Variants in COL11A1 observed in about 807,000 individuals in gnomAD.
COL11A1 encodes collagen type XI alpha 1 chain.
Under a neutral mutation model 265.2 loss-of-function variants are expected in COL11A1, and 74 were observed. The observed-to-expected ratio is 0.28, with a 90% CI of 0.23 to 0.34. The LOEUF (loss-of-function observed/expected upper bound fraction) is 0.34. Ranked by LOEUF, COL11A1 falls within the 10% of genes least tolerant of loss-of-function variation. The pLI, the probability that COL11A1 is intolerant of heterozygous loss-of-function variation, is 1.00. For synonymous variants in COL11A1, 816 were observed against 727.6 expected (o/e 1.12, Z -1.96); for missense variants, 2,165 against 2,263.6 (o/e 0.96, Z 0.88).
rs1373470257 is a variant in COL11A1 at position 103,096,462 on chromosome 1, C to A, written c.106+11611G>T. Among the ~76,000 whole-genome samples the A allele has an allele frequency of 2.6e-5, 4 of 151,912 alleles. No individual in the cohort carries two copies. In the South Asian group the frequency reaches 8.3e-4, roughly 31 times the overall value. On this transcript the variant is annotated intron_variant, in intron 1 of 66. Coordinates refer to ENST00000370096, the MANE Select transcript of COL11A1 (RefSeq NM_001854.4). ...GAGATGGAGAAGGCTGTGAGAAGAA[C>A]AGGTTTCAGGAGAGGAGTTCTGCAA...
intron 41 of COL11A1, among the ~76,000 whole-genome samples, chr1:102,954,538 C>T (rs1660179405): frequency 6.6e-6 from 1 of 152,152 alleles, no homozygotes; most frequent in Non-Finnish European, 1.5e-5. Context: ...CACGTCTGCT[C>T]TGTCTTTTTA....
rs1676500 is a variant in COL11A1 at position 102,899,209 on chromosome 1, A to T, written c.4087-215T>A. Among the ~76,000 whole-genome samples the T allele has an allele frequency of 0.088, 13,363 of 152,172 alleles. 703 individuals are homozygous for T. The highest frequency in any genetic ancestry group is 0.16 in the Middle Eastern group (48 of 292). On this transcript the variant is annotated intron_variant, in intron 54 of 66. Coordinates refer to ENST00000370096, the MANE Select transcript of COL11A1 (RefSeq NM_001854.4). ...GAAAAACAGCACAAATTAAGTATAC[A>T]ACAATCACTTCACATCAATATAAGA...
chr1:102,937,955 C>T lies in COL11A1; in HGVS notation c.3438+1080G>A, dbSNP rs553363199. On this transcript the variant is annotated intron_variant, in intron 44 of 66. Coordinates refer to ENST00000370096, the MANE Select transcript of COL11A1 (RefSeq NM_001854.4). The stretch of plus-strand genomic sequence containing the variant: ...TACACAATTTCTTGTCATAATTTTA[C>T]AGCATGGATCTGGAGTATCAGTGCT... Among the ~76,000 whole-genome samples, 8 of 152,330 alleles carry T rather than the reference C, an allele frequency of 5.3e-5. 1 individual carries two copies. In the South Asian group the frequency reaches 1.7e-3, roughly 32 times the overall value.
At chr1:102,880,789 T>G (rs1650138765) in intron 65 of COL11A1, among the ~76,000 whole-genome samples, 1 of 152,070 alleles carries the variant, frequency 6.6e-6, no homozygotes, top group Admixed American at 6.5e-5. Context: ...TACTTAGTTC[T>G]TACTGAATAG....
At chr1:102,948,010 G>A (rs1372349830) in intron 41 of COL11A1, among the ~76,000 whole-genome samples, 1 of 151,608 alleles carries the variant, frequency 6.6e-6, no homozygotes, top group East Asian at 1.9e-4. Context: ...TCAAAACTCA[G>A]AGAAAATTAT....
At chr1:102,901,246 G>C (rs1653158402) in intron 54 of COL11A1, among the ~76,000 whole-genome samples, 1 of 151,818 alleles carries the variant, frequency 6.6e-6, no homozygotes, top group Non-Finnish European at 1.5e-5. Context: ...CTTGAACCCG[G>C]GAGGCAGAAC....
At chr1:103,077,114 C>T (rs12142411) in intron 3 of COL11A1, among the ~76,000 whole-genome samples, 23,121 of 152,030 alleles carry the variant, frequency 0.15, 1,888 homozygotes, top group Non-Finnish European at 0.16. Flanking sequence ...TAGGTATTAA[C>T]TGTATTCAAC....
intron 49 of COL11A1, among the ~76,000 whole-genome samples, chr1:102,919,444 A>C (rs1296318577): frequency 6.6e-6 from 1 of 151,916 alleles, no homozygotes; most frequent in Non-Finnish European, 1.5e-5. Context: ...GAGACCAAGA[A>C]AGGAAATCAT....
chr1:102,938,407 T>C (rs1485824078), intron 44 of COL11A1, among the ~76,000 whole-genome samples: 1 of 151,806 alleles, frequency 6.6e-6, no homozygotes, highest in East Asian at 1.9e-4. Flanking sequence ...AAAAAGAACT[T>C]AGAAAATAAT....
At position 102,934,463 on chromosome 1, in the gene COL11A1, G is replaced by A; in HGVS notation, c.3586C>T (p.Pro1196Ser). Residue 1196 changes from proline to serine, a missense_variant, in exon 46 of 67, where the codon CCA (proline) becomes TCA (serine). Transcript: ENST00000370096. ...GARGFPGPPGPIGLQGLPGPP... is the reference protein window; with the variant it reads ...GARGFPGPPGSIGLQGLPGPP... ...GATCATCTTACCTGAAGACCTATTG[G>A]ACCAGGAGGTCCAGGGAAGCCTCTG... The A allele has an allele frequency of 4.3e-6, 7 of 1,612,760 alleles. No homozygotes were observed. Among genetic ancestry groups the A allele is most frequent in the Non-Finnish European group, 5.9e-6 (7 of 1,178,750 alleles).
chr1:103,004,764 G>A (rs929847629), intron 18 of COL11A1, 103 bp from the exon 19 acceptor site: 1 of 999,138 alleles, frequency 1.0e-6, no homozygotes. Context: ...CATTTGGCAG[G>A]GAAAATATAT....
chr1:102,929,096 T>A (rs1199492501), intron 46 of COL11A1, among the ~76,000 whole-genome samples: 10 of 146,496 alleles, frequency 6.8e-5, no homozygotes, highest in Non-Finnish European at 1.2e-4. Flanking sequence ...TTTAGTTTAA[T>A]TAGATCCCAT....
chr1:102,909,299 C>T (rs556560710), intron 54 of COL11A1, among the ~76,000 whole-genome samples: 3 of 152,240 alleles, frequency 2.0e-5, no homozygotes, highest in Non-Finnish European at 4.4e-5. Context: ...TCTGCTTCTC[C>T]TTCCAGCATG....
chr1:102,884,522 A>G (rs994929699), intron 63 of COL11A1: 6 of 152,212 alleles, frequency 3.9e-5, no homozygotes, highest in Non-Finnish European at 2.9e-5. Context: ...GAGGTGGGCT[A>G]CTGGGCTCAA....
intron 47 of COL11A1, among the ~76,000 whole-genome samples, chr1:102,923,059 G>C (rs1656174853): frequency 6.6e-6 from 1 of 152,098 alleles, no homozygotes. Context: ...TTCTAATTAA[G>C]ACAGAATTAT....
At chr1:102,972,216 G>C (rs976350480) in intron 36 of COL11A1, among the ~76,000 whole-genome samples, 1 of 152,046 alleles carries the variant, frequency 6.6e-6, no homozygotes, top group Non-Finnish European at 1.5e-5. Context: ...AATTATGTCT[G>C]GCTTTTTTTT....
At chr1:103,021,558 C>T in intron 9 of COL11A1, 149 bp downstream of exon 9, 1 of 655,054 alleles carries the variant, frequency 1.5e-6, no homozygotes, top group Non-Finnish European at 2.8e-6. Flanking sequence ...TAGACAAGAC[C>T]TTATTAACTT....
intron 24 of COL11A1, chr1:103,001,448 T>A: frequency 2.4e-6 from 1 of 410,506 alleles, no homozygotes; most frequent in Non-Finnish European, 4.3e-6. Context: ...TGTTTAATTA[T>A]AGATTTATTC....
chr1:102,983,016 C>T (rs1442364544), intron 31 of COL11A1, among the ~76,000 whole-genome samples: 1 of 152,074 alleles, frequency 6.6e-6, no homozygotes, highest in African/African-American at 2.4e-5. Flanking sequence ...AACTATCCCG[C>T]ACTTCTCTGT....
Sources: allele counts gnomAD v4.1 joint callset (sites outside exome capture counted in the v4.1 genomes callset), GRCh38; gene constraint gnomAD v4.1.1; transcripts MANE v1.5; gene names NCBI Gene and HGNC (gene_info 2026-07-23, HGNC 2026-07-21).